Variants in CHST11 observed in about 807,000 individuals in gnomAD.
The protein encoded by CHST11 is carbohydrate sulfotransferase 11, also known as C4S-1.
CHST11 carries 9 observed loss-of-function variants against 30.4 expected under a neutral mutation model. The observed-to-expected ratio is 0.30, with a 90% confidence interval of 0.18 to 0.52. CHST11 has a LOEUF of 0.52. CHST11 is among the 20% of genes least tolerant of loss of function. The pLI is 0.97. For missense variants in CHST11, 348 were observed against 460.6 expected (o/e 0.76, Z 2.24); for synonymous variants, 152 against 187.8 (o/e 0.81, Z 1.56).
intron 1 of CHST11, among the ~76,000 whole-genome samples, chr12:104,530,373 A>G (rs2038170834): frequency 6.6e-6 from 1 of 152,088 alleles, no homozygotes; most frequent in Non-Finnish European, 1.5e-5. Flanking sequence ...ATTTTAGCCC[A>G]TGTTAGCTTG....
rs71069772 is a variant in CHST11 at position 104,684,256 on chromosome 12, G to GTGGATGGATGGA, written c.205-72655_205-72644dup. 1.3e-3 allele frequency among the ~76,000 whole-genome samples: 193 copies of GTGGATGGATGGA among 148,042 alleles called. 1 individual carries two copies. The highest frequency in any genetic ancestry group is 3.4e-3 in the Middle Eastern group (1 of 292). The stretch of plus-strand genomic sequence containing the variant: ...GAATAAATAGGAATTGGTACAAAAT[G>GTGGATGGATGGA]TGGATGGATGGATGGATGGATGGAT... On this transcript the variant is annotated intron_variant, in intron 2 of 2. Transcript: ENST00000303694.
intron 2 of CHST11, among the ~76,000 whole-genome samples, chr12:104,660,650 T>C (rs1292627284): frequency 6.6e-6 from 1 of 152,144 alleles, no homozygotes; most frequent in East Asian, 1.9e-4. Flanking sequence ...CTTGTGAAGA[T>C]AGAAGTGTAC....
intron 1 of CHST11, among the ~76,000 whole-genome samples, chr12:104,580,465 A>G (rs2136031052): frequency 6.6e-6 from 1 of 152,350 alleles, no homozygotes; most frequent in African/African-American, 2.4e-5. Context: ...TTAAGCCCTC[A>G]TGCATGGTAG....
At chr12:104,534,837 G>A (rs758883242) in intron 1 of CHST11, among the ~76,000 whole-genome samples, 9 of 152,146 alleles carry the variant, frequency 5.9e-5, no homozygotes, top group Non-Finnish European at 1.0e-4. Flanking sequence ...GAATGTAAGG[G>A]CTAGAAATCT....
intron 1 of CHST11, among the ~76,000 whole-genome samples, chr12:104,462,108 AG>A (rs2037413191): frequency 1.3e-5 from 2 of 148,178 alleles, no homozygotes; most frequent in South Asian, 4.3e-4. Context: ...CGGAGGTTGC[AG>A]TGAGCTGAGA....
chr12:104,548,465 G>A (rs764828085), intron 1 of CHST11, among the ~76,000 whole-genome samples: 16 of 152,142 alleles, frequency 1.1e-4, no homozygotes, highest in South Asian at 2.1e-4. Context: ...CAATCCAGCC[G>A]TAGCTCACCA....
chr12:104,608,833 C>T (rs865912288), intron 2 of CHST11, among the ~76,000 whole-genome samples: 4 of 152,106 alleles, frequency 2.6e-5, no homozygotes, highest in South Asian at 2.1e-4. Context: ...TTTGTGGGTT[C>T]GATGCCTATA....
intron 2 of CHST11, among the ~76,000 whole-genome samples, chr12:104,655,284 C>T (rs914960990): frequency 1.3e-5 from 2 of 152,232 alleles, no homozygotes. Context: ...GCCGGAGGCG[C>T]GGGCAGGTAT....
chr12:104,616,610 C>T (rs1391274887), intron 2 of CHST11, among the ~76,000 whole-genome samples: 7 of 152,150 alleles, frequency 4.6e-5, no homozygotes, highest in East Asian at 3.9e-4. Context: ...GGACTACAGG[C>T]GCACACCACC....
intron 1 of CHST11, among the ~76,000 whole-genome samples, chr12:104,517,957 A>G (rs1307008214): frequency 6.6e-6 from 1 of 152,136 alleles, no homozygotes; most frequent in African/African-American, 2.4e-5. Context: ...CTTTGGATCT[A>G]AGGTCGCTTT....
At chr12:104,463,207 A>G (rs1218196990) in intron 1 of CHST11, among the ~76,000 whole-genome samples, 2 of 152,228 alleles carry the variant, frequency 1.3e-5, no homozygotes, top group Non-Finnish European at 2.9e-5. Flanking sequence ...AAAGGCTCTC[A>G]TGAAAGTCAT....
chr12:104,669,717 A>G (rs924962482), intron 2 of CHST11, among the ~76,000 whole-genome samples: 1 of 152,168 alleles, frequency 6.6e-6, no homozygotes, highest in Non-Finnish European at 1.5e-5. Flanking sequence ...GACCCTGGAC[A>G]CCGTTCTCAG....
intron 2 of CHST11, among the ~76,000 whole-genome samples, chr12:104,657,491 C>CCA (rs1469399920): frequency 6.6e-6 from 1 of 152,012 alleles, no homozygotes; most frequent in Non-Finnish European, 1.5e-5. Flanking sequence ...GATCTGGGAG[C>CCA]CACAGCACTT....
intron 1 of CHST11, among the ~76,000 whole-genome samples, chr12:104,557,895 A>G (rs2136014325): frequency 6.6e-6 from 1 of 152,122 alleles, no homozygotes; most frequent in South Asian, 2.1e-4. Context: ...GTGGGGGTGT[A>G]GGTCTGACTT....
chr12:104,486,894 A>G (rs1213670371), intron 1 of CHST11, among the ~76,000 whole-genome samples: 1 of 152,220 alleles, frequency 6.6e-6, no homozygotes, highest in Non-Finnish European at 1.5e-5. Context: ...TTTGTTACAC[A>G]AATACATAAT....
At chr12:104,563,232 T>C (rs1363231300) in intron 1 of CHST11, among the ~76,000 whole-genome samples, 1 of 152,038 alleles carries the variant, frequency 6.6e-6, no homozygotes, top group Non-Finnish European at 1.5e-5. Flanking sequence ...GTAGAGATGG[T>C]TTTGCCTGTT....
chr12:104,469,072 AT>A (rs1194108164), intron 1 of CHST11, among the ~76,000 whole-genome samples: 4 of 152,244 alleles, frequency 2.6e-5, no homozygotes, highest in Non-Finnish European at 5.9e-5. Context: ...GTGAATCTCC[AT>A]GTCAACAAGA....
chr12:104,667,001 C>T (rs1360155441), intron 2 of CHST11, among the ~76,000 whole-genome samples: 7 of 152,192 alleles, frequency 4.6e-5, no homozygotes, highest in African/African-American at 1.7e-4. Flanking sequence ...CTTTAAAACG[C>T]TTGTTGAGCA....
In CHST11 at chr12:104,486,100, T is replaced by C. The variant is rs545390934; in HGVS notation, c.118+28571T>C. Among the ~76,000 whole-genome samples, 8 of 152,304 alleles carry C rather than the reference T, an allele frequency of 5.3e-5. No homozygotes were observed. In the South Asian group the frequency reaches 1.5e-3, roughly 28 times the overall value. ...CCTCCCAGCCTTCCCTGCCTGGGCTTTGGGGCTCCCTGTGCTGTGAATTTC... is the reference window on the plus strand; with the variant it reads ...CCTCCCAGCCTTCCCTGCCTGGGCTCTGGGGCTCCCTGTGCTGTGAATTTC... On this transcript the variant is annotated intron_variant, in intron 1 of 2. Coordinates refer to ENST00000303694, the MANE Select transcript of CHST11 (RefSeq NM_018413.6).
Sources: gnomAD v4.1 joint callset for allele counts (sites outside exome capture counted in the v4.1 genomes callset) on GRCh38, gnomAD v4.1.1 for gene constraint, MANE v1.5 for transcripts, NCBI Gene and HGNC (gene_info 2026-07-23, HGNC 2026-07-21) for gene names.